CELF2: variants seen among roughly 807,000 people sequenced by gnomAD.
CELF2 encodes CUG triplet repeat RNA-binding protein 2.
In CELF2, 8 loss-of-function variants were observed where a neutral mutation model predicts 62.6. That is an observed-to-expected ratio of 0.13 (90% CI 0.07 to 0.23). CELF2 has a LOEUF of 0.23. Ranked by LOEUF, CELF2 falls within the 10% of genes least tolerant of loss-of-function variation. CELF2 has a pLI of 1.00. For missense variants in CELF2, 333 were observed against 671.0 expected (o/e 0.50, Z 5.56); for synonymous variants, 258 against 250.0 (o/e 1.03, Z -0.30).
At chr10:10,628,963 T>C in the CELF2 span, among the ~76,000 whole-genome samples, 2 of 152,148 alleles carry the variant, frequency 1.3e-5, no homozygotes, top group Non-Finnish European at 2.9e-5. Context: ...TTTTAACAAC[T>C]CAAAGCTTCT....
intron 3 of CELF2, among the ~76,000 whole-genome samples, chr10:11,222,438 T>C (rs1029595813): frequency 6.6e-6 from 1 of 152,220 alleles, no homozygotes; most frequent in Non-Finnish European, 1.5e-5. Context: ...AGAGTATTTT[T>C]TTCTCACATG....
chr10:10,932,787 T>C (rs1029139174), intron 2 of CELF2, among the ~76,000 whole-genome samples: 4 of 152,044 alleles, frequency 2.6e-5, no homozygotes, highest in African/African-American at 9.7e-5. Flanking sequence ...ATATGGCAAT[T>C]GAAAGAATAT....
chr10:10,988,481 A>G (rs1265274805), intron 2 of CELF2, among the ~76,000 whole-genome samples: 1 of 152,140 alleles, frequency 6.6e-6, no homozygotes, highest in Non-Finnish European at 1.5e-5. Flanking sequence ...ACAAAGGCAT[A>G]AGAATGATAT....
At chr10:11,077,961 T>G (rs2072607137) in intron 1 of CELF2, among the ~76,000 whole-genome samples, 1 of 152,126 alleles carries the variant, frequency 6.6e-6, no homozygotes, top group South Asian at 2.1e-4. Flanking sequence ...AAGCCCAAAG[T>G]AATCCTTGAG....
At chr10:10,734,876 T>G in the CELF2 span, among the ~76,000 whole-genome samples, 2 of 152,204 alleles carry the variant, frequency 1.3e-5, no homozygotes. Flanking sequence ...CTGGGACGAC[T>G]GGGCTCCCTG....
the CELF2 span, among the ~76,000 whole-genome samples, chr10:10,781,009 T>A: frequency 6.6e-6 from 1 of 152,130 alleles, no homozygotes; most frequent in Non-Finnish European, 1.5e-5. Context: ...TCTTTTTGAG[T>A]CATCACAGAA....
In CELF2 at chr10:11,005,494, G is replaced by T. The variant is rs1431682489; in HGVS notation, c.53+54G>T. ...GCACGCTTTTCTAGTTTCTAGAGCT[G>T]GCTGAGACAATAATTATGCTCTGAA... On this transcript the variant is annotated intron_variant, in intron 1 of 12. Coordinates refer to the CELF2 transcript ENST00000416382. This position sits in a 1 kb window ranked among gnomAD's most constrained non-coding sequence, Gnocchi z 4.3. 1.9e-6 allele frequency: 3 copies of T among 1,613,342 alleles called. No individual in the cohort carries two copies. Among genetic ancestry groups the T allele is most frequent in the Non-Finnish European group, 2.5e-6 (3 of 1,179,628 alleles).
At chr10:11,199,335 A>G (rs2058700499) in intron 2 of CELF2, among the ~76,000 whole-genome samples, 1 of 152,124 alleles carries the variant, frequency 6.6e-6, no homozygotes. Context: ...ACATGGAGCT[A>G]ATAACTTTCA....
At chr10:10,895,290 C>A (rs76453008) in intron 1 of CELF2, among the ~76,000 whole-genome samples, 4 of 152,166 alleles carry the variant, frequency 2.6e-5, no homozygotes, top group Admixed American at 2.6e-4. Context: ...CCACCCTATA[C>A]ATTTTTTACC....
At chr10:11,018,593 C>G (rs2057728770) in intron 1 of CELF2, among the ~76,000 whole-genome samples, 1 of 113,070 alleles carries the variant, frequency 8.8e-6, no homozygotes, top group Non-Finnish European at 1.8e-5. Context: ...ACCGGCGAGC[C>G]GGGCGCGGAG....
intron 1 of CELF2, among the ~76,000 whole-genome samples, chr10:10,892,036 C>T (rs1031103993): frequency 1.3e-5 from 2 of 152,156 alleles, no homozygotes; most frequent in East Asian, 1.9e-4. Context: ...CATAGACATT[C>T]ATCAAGTAGC....
At chr10:10,699,742 G>A in the CELF2 span, among the ~76,000 whole-genome samples, 3 of 152,206 alleles carry the variant, frequency 2.0e-5, no homozygotes, top group Non-Finnish European at 4.4e-5. Context: ...GGACTTTGCT[G>A]GAGCCTTGTT....
rs1411248757 is a variant in CELF2, at chr10:11,075,322, C to T, written c.74+57159C>T. 4 of 152,232 alleles carry T rather than the reference C, an allele frequency of 2.6e-5. No homozygotes were observed. The highest frequency in any genetic ancestry group is 4.8e-5 in the African/African-American group (2 of 41,536). 9.4% of individuals were successfully genotyped at this position (152,232 alleles called of 1,614,324 possible). ...CCTTTCAGCATTCCTCTTCTCTCCC[C>T]GCCCCCGTCTCTTCTAAAACAGAAA... On this transcript the variant is annotated intron_variant, in intron 1 of 12. Coordinates refer to ENST00000633077, the MANE Select transcript of CELF2 (RefSeq NM_001326342.2). This position sits in a 1 kb window ranked among gnomAD's most constrained non-coding sequence, Gnocchi z 5.4.
At chr10:11,094,644 A>T (rs537302260) in intron 1 of CELF2, among the ~76,000 whole-genome samples, 1 of 152,310 alleles carries the variant, frequency 6.6e-6, no homozygotes, top group Non-Finnish European at 1.5e-5. Flanking sequence ...ACATCGGCTG[A>T]TTTATTTTTA....
At chr10:11,147,590 GA>G (rs1363975369) in intron 1 of CELF2, among the ~76,000 whole-genome samples, 1 of 152,148 alleles carries the variant, frequency 6.6e-6, no homozygotes, top group Non-Finnish European at 1.5e-5. Flanking sequence ...TATAAACCAG[GA>G]TGCCTTTGTT....
At chr10:11,089,196 A>C (rs760123642) in intron 1 of CELF2, among the ~76,000 whole-genome samples, 1 of 152,208 alleles carries the variant, frequency 6.6e-6, no homozygotes, top group Non-Finnish European at 1.5e-5. Context: ...GTCACGTTGC[A>C]AAAGAGCATG....
chr10:10,960,285 A>G (rs2049348346), intron 2 of CELF2: 1 of 152,242 alleles, frequency 6.6e-6, no homozygotes, highest in African/African-American at 2.4e-5. Context: ...TGATCATTCA[A>G]ACCACTTGAA....
intron 1 of CELF2, among the ~76,000 whole-genome samples, chr10:10,848,504 T>A (rs559945827): frequency 6.6e-6 from 1 of 152,338 alleles, no homozygotes; most frequent in East Asian, 1.9e-4. Flanking sequence ...TTTACGTTTA[T>A]GAATGGAATT....
At chr10:11,112,008 G>A (rs1387597904) in intron 1 of CELF2, among the ~76,000 whole-genome samples, 1 of 152,238 alleles carries the variant, frequency 6.6e-6, no homozygotes, top group South Asian at 2.1e-4. Context: ...ATAACTCAGA[G>A]TAGCTTTTAA....
Sources: gnomAD v4.1 joint callset for allele counts (sites outside exome capture counted in the v4.1 genomes callset) on GRCh38, gnomAD v4.1.1 for gene constraint, Gnocchi (gnomAD v3.1) non-coding constraint, MANE v1.5 for transcripts, NCBI Gene and HGNC (gene_info 2026-07-23, HGNC 2026-07-21) for gene names.